TTLL2: variants seen among roughly 807,000 people sequenced by gnomAD.
TTLL2 encodes the protein tubulin tyrosine ligase like 2.
A neutral mutation model predicts 7.5 loss-of-function variants in TTLL2; 10 were observed. The ratio of observed to expected loss-of-function variants is 1.33; its 90% CI spans 0.82 to 2.25. The LOEUF (loss-of-function observed/expected upper bound fraction) is 2.25, where lower values mean the gene tolerates loss of function less well. Among genes scored for constraint, TTLL2 ranks in the 30% most tolerant of loss-of-function variants. The pLI is 0.00. For synonymous variants in TTLL2, 284 were observed against 280.3 expected (o/e 1.01, Z -0.13); for missense variants, 733 against 735.7 (o/e 1.00, Z 0.04).
chr6:167,340,021 A>G, intron 2 of TTLL2, 84 bp from the exon 3 acceptor site: 4 of 1,465,972 alleles, frequency 2.7e-6, no homozygotes, highest in Non-Finnish European at 3.7e-6. Flanking sequence ...AGCTGGCAGC[A>G]CCGGGTGCAC....
chr6:167,341,418 A>C lies in TTLL2; in HGVS notation c.1518A>C (p.Gln506His), dbSNP rs781295806. ...ATCTGTCAACAAGGGAGATGCCACA[A>C]AGCAAGCCCAAGTTACGGAGCAGGC... The part of the protein sequence containing the change: ...DFHLSTREMP[Q>H]SKPKLRSRHT... The change falls in exon 3 of 3, where the codon CAA becomes CAC. Residue 506 changes from glutamine to histidine, a missense_variant. By Grantham distance (24) the Gln-to-His change is conservative (BLOSUM62 0). Coordinates refer to ENST00000239587, the MANE Select transcript of TTLL2 (RefSeq NM_031949.5). 4 of 1,613,920 alleles carry C rather than the reference A, an allele frequency of 2.5e-6. No homozygotes were observed. The Admixed American group carries it at 6.7e-5, about 27-fold the overall frequency.
chr6:167,340,365 G>A lies in TTLL2; in HGVS notation c.465G>A (p.Arg155=), dbSNP rs773177590. ...ACCCTGGAACCACCAAGCTTACCAG[G>A]AAAGACTGTTTGGCCAAACACCTGA... ...NHHPGTTKLT[R]KDCLAKHLKH... The change falls in exon 3 of 3, where the codon AGG becomes AGA. Residue 155 remains arginine, a synonymous_variant. Transcript: ENST00000239587. The A allele has an allele frequency of 9.9e-6, 16 of 1,613,986 alleles. No homozygotes were observed. The South Asian group carries it at 1.5e-4, about 16-fold the overall frequency.
chr6:167,331,395 C>G (rs1431129561), intron 1 of TTLL2, among the ~76,000 whole-genome samples: 2 of 152,170 alleles, frequency 1.3e-5, no homozygotes, highest in South Asian at 2.1e-4. Context: ...TAACAAATGT[C>G]TCCCTATGTC....
chr6:167,325,949 GCGGCCGAGAA>G (rs938800471), intron 1 of TTLL2, among the ~76,000 whole-genome samples: 31 of 152,332 alleles, frequency 2.0e-4, no homozygotes, highest in African/African-American at 7.0e-4. Flanking sequence ...AGGCCGAACA[GCGGCCGAGAA>G]CGGGTGCAAG....
At position 167,342,458 on chromosome 6, in the gene TTLL2, G is replaced by A. The variant is rs765265977; in HGVS notation, c.*779G>A. Among the ~76,000 whole-genome samples, 15 of 152,186 alleles carry A rather than the reference G, an allele frequency of 9.9e-5. No individual in the cohort carries two copies. Among genetic ancestry groups the A allele is most frequent in the Non-Finnish European group, 1.6e-4 (11 of 68,028 alleles). On this transcript the variant is annotated 3_prime_UTR_variant, in exon 3 of 3. Transcript: ENST00000239587. Reference sequence around the variant, plus strand: ...AAAAGGCCACATGTTGTATGACTCCGTTGATATGGAATGTCAGAATTGGCA... The same window carrying A: ...AAAAGGCCACATGTTGTATGACTCCATTGATATGGAATGTCAGAATTGGCA...
In TTLL2 at chr6:167,338,647, A is replaced by C; in HGVS notation, c.48A>C (p.Gly16=). 1 of 1,612,220 alleles carries C rather than the reference A, an allele frequency of 6.2e-7. No homozygotes were observed. Among genetic ancestry groups the C allele is most frequent in the South Asian group, 1.1e-5 (1 of 90,822 alleles). The part of the protein sequence containing the change: ...LCSSTQSQAL[G]SLRTTTPAFT... ...ATTGTTGATGCTGCTTTGTTCACAG[A>C]TCTTTGAGAACCACCACCCCAGCCT... is the stretch of plus-strand genomic sequence containing the variant. The change falls in exon 2 of 3, where the codon GGA becomes GGC. Residue 16 remains glycine (G), a splice_region_variant and synonymous_variant. Coordinates refer to ENST00000239587, the MANE Select transcript of TTLL2 (RefSeq NM_031949.5).
chr6:167,328,463 T>C (rs1778874799), intron 1 of TTLL2: 2 of 255,508 alleles, frequency 7.8e-6, no homozygotes, highest in Non-Finnish European at 1.6e-5. Flanking sequence ...TCCTGGTCAT[T>C]GGAATGCTGT....
Position 167,340,788 on chromosome 6 carries a change from T to G in TTLL2, c.888T>G (p.His296Gln). Reference sequence around the variant, plus strand: ...GTAATTTGCAAAACAATTATGCCCATTTGACCAACAGCAGCATCAATAAAT... The same window carrying G: ...GTAATTTGCAAAACAATTATGCCCAGTTGACCAACAGCAGCATCAATAAAT... Reference protein sequence around the residue: ...DLSNLQNNYAHLTNSSINKSG... With the variant: ...DLSNLQNNYAQLTNSSINKSG... The change falls in exon 3 of 3, where the codon CAT becomes CAG. Residue 296 changes from histidine (H) to glutamine (Q), a missense_variant. By Grantham distance (24) the His-to-Gln change is conservative (BLOSUM62 0). Coordinates refer to ENST00000239587, the MANE Select transcript of TTLL2 (RefSeq NM_031949.5). The G allele has an allele frequency of 3.7e-6, 6 of 1,614,168 alleles. No homozygotes were observed. The highest frequency in any genetic ancestry group is 5.1e-6 in the Non-Finnish European group (6 of 1,180,040).
At chr6:167,331,103 T>G (rs1205274626) in intron 1 of TTLL2, among the ~76,000 whole-genome samples, 1 of 152,218 alleles carries the variant, frequency 6.6e-6, no homozygotes, top group East Asian at 1.9e-4. Flanking sequence ...CATTTTCTCT[T>G]TATTTTCATT....
chr6:167,341,493 C>G lies in TTLL2; in HGVS notation c.1593C>G (p.His531Gln). The G allele has an allele frequency of 6.2e-7, 1 of 1,614,124 alleles. No individual in the cohort carries two copies. Among genetic ancestry groups the G allele is most frequent in the Non-Finnish European group, 8.5e-7 (1 of 1,180,036 alleles). The stretch of plus-strand genomic sequence containing the variant: ...CCTACGCGTCCCTCTTCCAGTCGCA[C>G]TCCTGCAAGACCAAGACCTCCCCGT... ...LMPYASLFQS[H>Q]SCKTKTSPCV... is the part of the protein sequence containing the mutation. Residue 531 changes from histidine (H) to glutamine (Q), a missense_variant, in exon 3 of 3, where the codon CAC becomes CAG. By Grantham distance (24) the His-to-Gln change is conservative. Coordinates refer to ENST00000239587, the MANE Select transcript of TTLL2 (RefSeq NM_031949.5).
rs1466427655 is a variant in TTLL2 at position 167,338,710 on chromosome 6, G to GCAGC, written c.113_116dup (p.Pro40AlafsTer40). 1.2e-6 allele frequency: 2 copies of GCAGC among 1,614,106 alleles called. No individual in the cohort carries two copies. The highest frequency in any genetic ancestry group is 2.7e-5 in the African/African-American group (2 of 75,034). ...TTCCATCCGAGGCAAACCACACTGA[G>GCAGC]CAGCCGCCTGCAGGCCTGGGAGCAA... is the stretch of plus-strand genomic sequence containing the variant. On this transcript the variant is annotated frameshift_variant, in exon 2 of 3. Coordinates refer to ENST00000239587, the MANE Select transcript of TTLL2 (RefSeq NM_031949.5). LOFTEE classifies it high-confidence loss of function.
chr6:167,325,669 T>C (rs1181863499), intron 1 of TTLL2, among the ~76,000 whole-genome samples: 1 of 152,182 alleles, frequency 6.6e-6, no homozygotes, highest in Non-Finnish European at 1.5e-5. Flanking sequence ...GGATCATCTA[T>C]GAAACACACA....
rs759827189 is a variant in TTLL2, at chr6:167,341,087, AT to A, written c.1189del (p.Cys397ValfsTer7). The A allele has an allele frequency of 6.2e-7, 1 of 1,613,904 alleles. No individual in the cohort carries two copies. Among genetic ancestry groups the A allele is most frequent in the Non-Finnish European group, 8.5e-7 (1 of 1,179,988 alleles). On this transcript the variant is annotated frameshift_variant, in exon 3 of 3. Coordinates refer to ENST00000239587, the MANE Select transcript of TTLL2 (RefSeq NM_031949.5). LOFTEE classifies it low-confidence loss of function (END_TRUNC). The part of the protein sequence containing the change: ...EVNYSPALTL[D>X]CSTDVLVKRK... Reference sequence around the variant, plus strand: ...AACTACAGCCCAGCCTTGACCTTGGATTGTTCAACAGATGTGTTGGTGAAGA... The same window carrying A: ...AACTACAGCCCAGCCTTGACCTTGGATGTTCAACAGATGTGTTGGTGAAGA...
Position 167,325,387 on chromosome 6 carries a change from G to T in TTLL2, c.47+167G>T, listed in dbSNP as rs545209283. ...TAGTCAGCCCTTCATACTCCTTCAA[G>T]GGAAAAGCAGTCCAGCATTGTATGA... On this transcript the variant is annotated intron_variant, in intron 1 of 2. Transcript: ENST00000239587. Among the ~76,000 whole-genome samples, 3 of 152,310 alleles carry T rather than the reference G, an allele frequency of 2.0e-5. No individual in the cohort carries two copies. The South Asian group carries it at 6.2e-4, about 32-fold the overall frequency.
intron 1 of TTLL2, among the ~76,000 whole-genome samples, chr6:167,328,538 A>G (rs1378828160): frequency 1.3e-5 from 2 of 152,170 alleles, no homozygotes; most frequent in East Asian, 1.9e-4. Flanking sequence ...GCTGGCTTCA[A>G]AGTGTCTGTC....
At chr6:167,330,648 CT>C (rs1778909009) in intron 1 of TTLL2, among the ~76,000 whole-genome samples, 1 of 152,108 alleles carries the variant, frequency 6.6e-6, no homozygotes, top group East Asian at 1.9e-4. Context: ...ATCTAGACCC[CT>C]GTACCCCTCC....
rs1158871714 is a variant in TTLL2, at chr6:167,340,394, AC to A, written c.495del (p.His165GlnfsTer2). The A allele has an allele frequency of 3.7e-6, 6 of 1,614,102 alleles. No homozygotes were observed. The highest frequency in any genetic ancestry group is 3.3e-5 in the Admixed American group (2 of 60,014). ...RKDCLAKHLK[H>X]MRRMYGTSLY... ...GACTGTTTGGCCAAACACCTGAAGCACATGAGGAGGATGTATGGCACTTCCC... is the reference window on the plus strand; with the variant it reads ...GACTGTTTGGCCAAACACCTGAAGCAATGAGGAGGATGTATGGCACTTCCC... On this transcript the variant is annotated frameshift_variant, in exon 3 of 3. Coordinates refer to ENST00000239587, the MANE Select transcript of TTLL2 (RefSeq NM_031949.5). LOFTEE classifies it low-confidence loss of function (END_TRUNC).
chr6:167,331,331 T>C (rs968935752), intron 1 of TTLL2, among the ~76,000 whole-genome samples: 3 of 152,138 alleles, frequency 2.0e-5, no homozygotes, highest in Non-Finnish European at 2.9e-5. Context: ...CACTCTGCAG[T>C]GGCATAGAAC....
chr6:167,339,343 C>A (rs1450302015), intron 2 of TTLL2, among the ~76,000 whole-genome samples: 3 of 152,200 alleles, frequency 2.0e-5, no homozygotes, highest in Admixed American at 2.0e-4. Flanking sequence ...AAACAACACA[C>A]TTCATCATCA....
Sources: gnomAD v4.1 joint callset for allele counts (sites outside exome capture counted in the v4.1 genomes callset) on GRCh38, gnomAD v4.1.1 for gene constraint, MANE v1.5 for transcripts, NCBI Gene and HGNC (gene_info 2026-07-23, HGNC 2026-07-21) for gene names.